KPNA5: variants seen among roughly 807,000 people sequenced by gnomAD.
KPNA5 encodes importin subunit alpha-6.
In KPNA5, 46 loss-of-function variants were observed where a neutral mutation model predicts 71.3. The ratio of observed to expected loss-of-function variants is 0.65; its 90% CI spans 0.51 to 0.83. KPNA5 has a LOEUF of 0.83. Among genes scored for constraint, KPNA5 ranks in the 40% least tolerant of loss-of-function variants. The pLI is 0.00. For synonymous variants in KPNA5, 207 were observed against 201.4 expected, an observed-to-expected ratio of 1.03 and a Z score of -0.24; for missense variants, 547 against 628.3, an observed-to-expected ratio of 0.87 and a Z score of 1.38.
At chr6:116,694,077 T>C (rs1777921660) in intron 4 of KPNA5, among the ~76,000 whole-genome samples, 1 of 152,252 alleles carries the variant, frequency 6.6e-6, no homozygotes, top group Non-Finnish European at 1.5e-5. Flanking sequence ...GAGGGCTCTG[T>C]TCTGTTCCAT....
intron 1 of KPNA5, among the ~76,000 whole-genome samples, chr6:116,687,027 C>T (rs1471087580): frequency 6.6e-6 from 1 of 152,034 alleles, no homozygotes; most frequent in African/African-American, 2.4e-5. Context: ...TTTTTTGGTT[C>T]CATATGAATT....
chr6:116,722,158 G>C lies in KPNA5; in HGVS notation c.789G>C (p.Leu263=). Reference sequence around the variant, plus strand: ...CTTGCTTAAATGTCCTGTCACGACTGTTGTTTAGCAGTGACCCAGATGTGT... The same window carrying C: ...CTTGCTTAAATGTCCTGTCACGACTCTTGTTTAGCAGTGACCCAGATGTGT... ...VSPCLNVLSR[L]LFSSDPDVLA... is the part of the protein sequence containing the mutation. The change falls in exon 9 of 14, where the codon CTG becomes CTC. Residue 263 remains leucine, a synonymous_variant. Coordinates refer to ENST00000368564, the MANE Select transcript of KPNA5 (RefSeq NM_001366306.2). The C allele has an allele frequency of 1.2e-6, 2 of 1,603,380 alleles. No homozygotes were observed. The highest frequency in any genetic ancestry group is 1.7e-5 in the Admixed American group (1 of 59,542).
At chr6:116,699,225 A>G (rs1778142302) in intron 5 of KPNA5, among the ~76,000 whole-genome samples, 1 of 152,080 alleles carries the variant, frequency 6.6e-6, no homozygotes, top group African/African-American at 2.4e-5. Context: ...ATTATCTAGT[A>G]GAAATGTGAC....
intron 2 of KPNA5, among the ~76,000 whole-genome samples, chr6:116,691,638 A>C (rs551259334): frequency 6.6e-6 from 1 of 152,200 alleles, no homozygotes; most frequent in East Asian, 1.9e-4. Context: ...TGTTAATCAG[A>C]TATACTAAAT....
At chr6:116,689,273 G>A (rs767133779) in intron 1 of KPNA5, 47 bp from the exon 2 acceptor site, 8 of 1,574,614 alleles carry the variant, frequency 5.1e-6, no homozygotes, top group Non-Finnish European at 6.9e-6. Context: ...ATGTTGTTTT[G>A]AGAGAGTGAG....
Position 116,726,023 on chromosome 6 carries a change from A to C in KPNA5, c.1125+147A>C. 1.3e-5 allele frequency: 11 copies of C among 845,138 alleles called. No homozygotes were observed. The South Asian group carries it at 2.1e-4, about 16-fold the overall frequency. The allele number at this position is 845,138 out of a possible 1,614,324, so 52.4% of individuals were successfully genotyped here. A position where few individuals can be genotyped will look rare whatever the true frequency, so the allele number is the denominator to read the frequency against. On this transcript the variant is annotated intron_variant, in intron 11 of 13. Transcript: ENST00000368564. ...AACATGGGCTTTCCTCCTCTAAAAT[A>C]ATAACATTTACTTGTAGTATTCTAG...
chr6:116,715,672 C>T (rs1175684310), intron 7 of KPNA5, among the ~76,000 whole-genome samples: 1 of 152,052 alleles, frequency 6.6e-6, no homozygotes, highest in Non-Finnish European at 1.5e-5. Flanking sequence ...AATCCTAGCA[C>T]TTTGGGAGCC....
At chr6:116,716,943 T>C (rs1265823888) in intron 8 of KPNA5, among the ~76,000 whole-genome samples, 1 of 152,096 alleles carries the variant, frequency 6.6e-6, no homozygotes, top group African/African-American at 2.4e-5. Flanking sequence ...TTCACAAAGG[T>C]AATGCATGAA....
chr6:116,702,295 G>A, intron 6 of KPNA5, 145 bp downstream of exon 6: 1 of 794,292 alleles, frequency 1.3e-6, no homozygotes, highest in Non-Finnish European at 1.9e-6. Context: ...TGTTAAGTTA[G>A]AAGGGAGGAA....
chr6:116,687,388 T>C (rs1301630798), intron 1 of KPNA5, among the ~76,000 whole-genome samples: 1 of 152,196 alleles, frequency 6.6e-6, no homozygotes, highest in East Asian at 1.9e-4. Context: ...TTTTACCAGA[T>C]GTTAAGGGTC....
Position 116,741,325 on chromosome 6 carries a change from T to C in KPNA5, c.*9002T>C, listed in dbSNP as rs919654728. ...TTTTGTGTTTTATATGTTTTTTACA[T>C]TATTTTGTGCATAGAAATTTAGAAT... On this transcript the variant is annotated 3_prime_UTR_variant, in exon 14 of 14. Transcript: ENST00000368564. The C allele has an allele frequency of 6.6e-6, 1 of 151,218 alleles. No individual in the cohort carries two copies. Among genetic ancestry groups the C allele is most frequent in the Non-Finnish European group, 1.5e-5 (1 of 67,870 alleles). The allele number at this position is 151,218 out of a possible 1,614,324, so 9.4% of individuals were successfully genotyped here. A position where few individuals can be genotyped will look rare whatever the true frequency, so the allele number is the denominator to read the frequency against.
At chr6:116,718,870 C>T (rs1416381542) in intron 8 of KPNA5, among the ~76,000 whole-genome samples, 1 of 151,874 alleles carries the variant, frequency 6.6e-6, no homozygotes, top group Non-Finnish European at 1.5e-5. Flanking sequence ...CGGGTTCAAG[C>T]AATTCTCCTG....
intron 1 of KPNA5, among the ~76,000 whole-genome samples, chr6:116,684,270 A>G (rs1332750955): frequency 6.6e-6 from 1 of 152,110 alleles, no homozygotes; most frequent in East Asian, 1.9e-4. Context: ...TGCTGAATCT[A>G]TTAAATATTT....
Position 116,724,375 on chromosome 6 carries a change from G to C in KPNA5, c.999G>C (p.Gln333His), listed in dbSNP as rs1367493912. 1 of 1,603,128 alleles carries C rather than the reference G, an allele frequency of 6.2e-7. No homozygotes were observed. The highest frequency in any genetic ancestry group is 8.5e-7 in the Non-Finnish European group (1 of 1,170,758). ...NIVTGDDIQT[Q>H]VILNCSALPC... The stretch of plus-strand genomic sequence containing the variant: ...TGACTGGTGATGATATTCAAACACA[G>C]GTGAGTTCAAACTTGAGTATCATAA... The change falls in exon 10 of 14, where the codon CAG becomes CAC. Residue 333 changes from glutamine to histidine, a missense_variant and splice_region_variant. Coordinates refer to ENST00000368564, the MANE Select transcript of KPNA5 (RefSeq NM_001366306.2).
chr6:116,724,701 C>A (rs762975649), intron 10 of KPNA5, among the ~76,000 whole-genome samples: 7 of 151,356 alleles, frequency 4.6e-5, no homozygotes, highest in African/African-American at 9.7e-5. Context: ...AGCAGTCCTC[C>A]TGGCTCAAGC....
At position 116,692,141 on chromosome 6, in the gene KPNA5, T is replaced by A. The variant is rs2114377183; in HGVS notation, c.225T>A (p.Thr75=). ...SPIQDPDISS[T]VPIPEEEVVT... ...TACAGGATCCAGATATTAGTTCCAC[T>A]GTACCCATTCCAGAGGTATACTTTA... is the stretch of plus-strand genomic sequence containing the variant. Residue 75 remains threonine (T), a synonymous_variant, in exon 3 of 14, where the codon ACT becomes ACA. Transcript: ENST00000368564. 1.2e-6 allele frequency: 2 copies of A among 1,606,526 alleles called. No individual in the cohort carries two copies. The highest frequency in any genetic ancestry group is 1.7e-6 in the Non-Finnish European group (2 of 1,173,846).
At chr6:116,711,310 A>T in intron 7 of KPNA5, among the ~76,000 whole-genome samples, 1 of 138,020 alleles carries the variant, frequency 7.2e-6, no homozygotes, top group Non-Finnish European at 1.6e-5. Flanking sequence ...GATTTTCTGT[A>T]GTGTTTTTCT....
intron 7 of KPNA5, among the ~76,000 whole-genome samples, chr6:116,709,840 C>G (rs1430944415): frequency 6.6e-6 from 1 of 151,692 alleles, no homozygotes; most frequent in Non-Finnish European, 1.5e-5. Context: ...TCTTGGCTCA[C>G]TGCAGCCTCT....
intron 13 of KPNA5, among the ~76,000 whole-genome samples, chr6:116,731,518 C>T (rs540247168): frequency 2.8e-4 from 42 of 152,172 alleles, no homozygotes; most frequent in South Asian, 8.3e-4. Context: ...CCCAGACTTA[C>T]GTGTAGAGCT....
Sources: allele counts gnomAD v4.1 joint callset (sites outside exome capture counted in the v4.1 genomes callset), GRCh38; gene constraint gnomAD v4.1.1; transcripts MANE v1.5; gene names NCBI Gene and HGNC (gene_info 2026-07-23, HGNC 2026-07-21).